PLXNA4: variants seen among roughly 807,000 people sequenced by gnomAD.
PLXNA4 encodes plexin A4.
Under a neutral mutation model 191.8 loss-of-function variants are expected in PLXNA4, and 44 were observed. That is an observed-to-expected ratio of 0.23 (90% CI 0.18 to 0.29). PLXNA4 has a LOEUF of 0.29. Ranked by LOEUF, PLXNA4 falls within the 10% of genes least tolerant of loss-of-function variation. The probability of loss-of-function intolerance (pLI) is 1.00; values close to 1 mark genes in which losing one functional copy is unlikely to be tolerated. For synonymous variants in PLXNA4, 1,082 were observed against 1,009.5 expected, an observed-to-expected ratio of 1.07 and a Z score of -1.36; for missense variants, 1,800 against 2,488.8, an observed-to-expected ratio of 0.72 and a Z score of 5.89.
intron 3 of PLXNA4, among the ~76,000 whole-genome samples, chr7:132,358,072 C>G (rs921867674): frequency 1.3e-5 from 2 of 152,230 alleles, no homozygotes; most frequent in African/African-American, 4.8e-5. Flanking sequence ...GAACAAGATT[C>G]AAATTCCACT....
At chr7:132,189,591 A>G (rs766631609) in intron 14 of PLXNA4, among the ~76,000 whole-genome samples, 1 of 152,218 alleles carries the variant, frequency 6.6e-6, no homozygotes, top group African/African-American at 2.4e-5. Context: ...GGTCTCCCCA[A>G]CATGCCCCAA....
chr7:132,213,934 A>G (rs1284667097), intron 9 of PLXNA4, among the ~76,000 whole-genome samples: 1 of 152,174 alleles, frequency 6.6e-6, no homozygotes, highest in Non-Finnish European at 1.5e-5. Flanking sequence ...AGGGTATGGG[A>G]ATCTCAGAAT....
intron 3 of PLXNA4, among the ~76,000 whole-genome samples, chr7:132,327,014 G>A (rs979945381): frequency 2.0e-5 from 2 of 100,644 alleles, no homozygotes; most frequent in Non-Finnish European, 4.7e-5. Context: ...GGAAGAAAAA[G>A]AGGGAAGAGA....
At chr7:132,132,820 C>T (rs947269922) in intron 31 of PLXNA4, among the ~76,000 whole-genome samples, 2 of 152,070 alleles carry the variant, frequency 1.3e-5, no homozygotes, top group Admixed American at 6.5e-5. Context: ...ATAAAAGAAA[C>T]AGGTACTTAT....
intron 3 of PLXNA4, among the ~76,000 whole-genome samples, chr7:132,465,191 C>G (rs935888084): frequency 6.6e-6 from 1 of 152,178 alleles, no homozygotes; most frequent in African/African-American, 2.4e-5. Context: ...TAGACCCCCC[C>G]ACCAGGCAGT....
At position 132,385,928 on chromosome 7, in the gene PLXNA4, C is replaced by T. The variant is rs144145768; in HGVS notation, c.1372-87706G>A. The stretch of plus-strand genomic sequence containing the variant: ...TAGCTGGAATCACATCGTTTTTGAA[C>T]GCTGAAGTGGCTAATTTCCGAAGGA... On this transcript the variant is annotated intron_variant, in intron 3 of 31. Coordinates refer to ENST00000321063, the MANE Select transcript of PLXNA4 (RefSeq NM_020911.2). Among the ~76,000 whole-genome samples the T allele has an allele frequency of 3.3e-3, 498 of 152,322 alleles. 3 individuals carry two copies. The highest frequency in any genetic ancestry group is 4.6e-3 in the Non-Finnish European group (311 of 68,028).
chr7:132,637,322 C>T (rs954131634), intron 2 of PLXNA4, among the ~76,000 whole-genome samples: 2 of 152,088 alleles, frequency 1.3e-5, no homozygotes, highest in African/African-American at 4.8e-5. Context: ...CTGCTGTGTC[C>T]GTAATTGAAG....
chr7:132,259,586 A>C (rs1799563293), intron 4 of PLXNA4, among the ~76,000 whole-genome samples: 1 of 151,830 alleles, frequency 6.6e-6, no homozygotes, highest in Non-Finnish European at 1.5e-5. Context: ...CTCCAGCCAG[A>C]CTGGACTCAC....
In PLXNA4 at chr7:132,265,116, C is replaced by T. The variant is rs112699414; in HGVS notation, c.1504-23950G>A. ...ACAGGAAGCAATTAGGAATAGTGAG[C>T]GGGAAGAGCCCTGAAGAGACCTGGG... On this transcript the variant is annotated intron_variant, in intron 4 of 31. Transcript: ENST00000321063. 8.0e-3 allele frequency among the ~76,000 whole-genome samples: 1,223 copies of T among 152,198 alleles called. 28 individuals are homozygous for T. The highest frequency in any genetic ancestry group is 0.027 in the African/African-American group (1,116 of 41,522).
chr7:132,461,386 T>C (rs1174471073), intron 3 of PLXNA4, among the ~76,000 whole-genome samples: 1 of 151,990 alleles, frequency 6.6e-6, no homozygotes, highest in Non-Finnish European at 1.5e-5. Context: ...TTCTCAGAAA[T>C]AAGATGACAG....
chr7:132,132,972 T>C lies in PLXNA4; in HGVS notation c.5589+77A>G. ...GGATGTGTCTGTGGCGATGATCTCT[T>C]ATACGGAGGCATGCAGGGTTGTCTT... On this transcript the variant is annotated intron_variant, in intron 31 of 31. Transcript: ENST00000321063. 1.9e-6 allele frequency: 3 copies of C among 1,554,224 alleles called. No homozygotes were observed. The South Asian group carries it at 3.7e-5, about 19-fold the overall frequency.
At chr7:132,222,502 C>T (rs1798180571) in intron 9 of PLXNA4, among the ~76,000 whole-genome samples, 1 of 152,122 alleles carries the variant, frequency 6.6e-6, no homozygotes, top group South Asian at 2.1e-4. Context: ...CCTATGCTTC[C>T]TGCACCTGGA....
intron 1 of PLXNA4, among the ~76,000 whole-genome samples, chr7:132,523,393 C>G (rs1799268067): frequency 6.6e-6 from 1 of 152,046 alleles, no homozygotes; most frequent in African/African-American, 2.4e-5. Context: ...GCCAGCCATG[C>G]AAAGATTTGG....
rs1347487839 is a variant in PLXNA4 at position 132,223,607 on chromosome 7, G to A, written c.2017C>T (p.His673Tyr). ...LSCVESPYRC[H>Y]WCKYRHVCTH... ...CAGACATGCCGGTATTTACACCAGT[G>A]GCAGCGGTATGGACTCTCCACGCAG... Residue 673 changes from histidine (H) to tyrosine (Y), a missense_variant, in exon 9 of 32, where the codon CAC becomes TAC. This residue lies in a region of PLXNA4 where 1,397 missense variants were observed against 1,880.4 expected (regional missense o/e 0.74). Transcript: ENST00000321063. 3 of 1,613,852 alleles carry A rather than the reference G, an allele frequency of 1.9e-6. No homozygotes were observed. Among genetic ancestry groups the A allele is most frequent in the South Asian group, 2.2e-5 (2 of 90,956 alleles).
intron 3 of PLXNA4, among the ~76,000 whole-genome samples, chr7:132,334,806 C>A (rs1784233601): frequency 6.6e-6 from 1 of 152,200 alleles, no homozygotes; most frequent in Admixed American, 6.5e-5. Context: ...GGCACCACAC[C>A]ACCTAGTGCC....
chr7:132,311,409 C>T (rs1801737223), intron 3 of PLXNA4, among the ~76,000 whole-genome samples: 1 of 152,100 alleles, frequency 6.6e-6, no homozygotes, highest in Non-Finnish European at 1.5e-5. Context: ...CACTGTCTTC[C>T]CCACTCCCTA....
chr7:132,393,926 T>C (rs1390853984), intron 3 of PLXNA4, among the ~76,000 whole-genome samples: 3 of 151,978 alleles, frequency 2.0e-5, no homozygotes, highest in South Asian at 2.1e-4. Context: ...ACAAGACTTA[T>C]TAGAGATTCC....
At chr7:132,517,945 G>A (rs1215386249) in intron 1 of PLXNA4, among the ~76,000 whole-genome samples, 7 of 152,134 alleles carry the variant, frequency 4.6e-5, no homozygotes, top group Admixed American at 1.3e-4. Flanking sequence ...TTTGTAATCC[G>A]TGCATTCAAC....
intron 1 of PLXNA4, among the ~76,000 whole-genome samples, chr7:132,564,465 G>A (rs1173179772): frequency 2.0e-5 from 3 of 151,718 alleles, no homozygotes; most frequent in Non-Finnish European, 2.9e-5. Context: ...CTGGATGGGT[G>A]CCCGTCTTCC....
Sources: gnomAD v4.1 joint callset for allele counts (sites outside exome capture counted in the v4.1 genomes callset) on GRCh38, gnomAD v4.1.1 for gene constraint, gnomAD v4.1.1 regional missense constraint, MANE v1.5 for transcripts, NCBI Gene and HGNC (gene_info 2026-07-23, HGNC 2026-07-21) for gene names.